Variants in RINT1 observed in about 807,000 individuals in gnomAD.
The protein encoded by RINT1 is RAD50 interactor 1, also known as RAD50-interacting protein 1.
In RINT1, 75 loss-of-function variants were observed where a neutral mutation model predicts 97.7. The observed-to-expected ratio is 0.77, with a 90% CI of 0.64 to 0.93. The LOEUF is 0.93. Ranked by LOEUF, RINT1 falls within the 40% of genes least tolerant of loss-of-function variation. The pLI is 0.00. For synonymous variants in RINT1, 303 were observed against 326.3 expected (o/e 0.93, Z 0.77); for missense variants, 892 against 925.2 (o/e 0.96, Z 0.47).
intron 3 of RINT1, among the ~76,000 whole-genome samples, chr7:105,538,053 C>T (rs903801503): frequency 1.1e-4 from 16 of 151,520 alleles, no homozygotes; most frequent in African/African-American, 2.9e-4. Context: ...AGTGCAATGG[C>T]GTGATCTCGG....
chr7:105,538,301 A>AT (rs1205761029), intron 3 of RINT1, among the ~76,000 whole-genome samples: 1 of 152,104 alleles, frequency 6.6e-6, no homozygotes, highest in East Asian at 1.9e-4. Context: ...AAGATAAAAC[A>AT]TTTTTATCAT....
At chr7:105,556,110 G>A (rs533289332) in intron 11 of RINT1, among the ~76,000 whole-genome samples, 18 of 149,428 alleles carry the variant, frequency 1.2e-4, no homozygotes, top group Non-Finnish European at 1.9e-4. Context: ...CTTGTTGCCC[G>A]GGCTGGAGTG....
At chr7:105,543,179 C>A (rs752801831) in intron 4 of RINT1, among the ~76,000 whole-genome samples, 1 of 152,170 alleles carries the variant, frequency 6.6e-6, no homozygotes, top group African/African-American at 2.4e-5. Context: ...CATGAGCTAC[C>A]GCGTCCGGCC....
chr7:105,535,777 A>G (rs1790207320), intron 2 of RINT1: 1 of 308,276 alleles, frequency 3.2e-6, no homozygotes, highest in African/African-American at 2.2e-5. Context: ...GGCTCAAGTG[A>G]TCCTCCTGCC....
Position 105,532,365 on chromosome 7 carries a change from G to T in RINT1, c.42+8G>T. ...GCCTCTCCTGCAGCCCCGGTGAGACGGCCCTGGCGTCCCTGGGAGGGGACA... is the reference window on the plus strand; with the variant it reads ...GCCTCTCCTGCAGCCCCGGTGAGACTGCCCTGGCGTCCCTGGGAGGGGACA... On this transcript the variant is annotated splice_region_variant and intron_variant, in intron 1 of 14. Transcript: ENST00000257700. 6.2e-7 allele frequency: 1 copy of T among 1,600,898 alleles called. No homozygotes were observed.
At chr7:105,540,109 T>C (rs980221257) in intron 3 of RINT1, among the ~76,000 whole-genome samples, 3 of 150,968 alleles carry the variant, frequency 2.0e-5, no homozygotes, top group Non-Finnish European at 3.0e-5. Flanking sequence ...GATGGAGTCT[T>C]CCTCTGTCGC....
chr7:105,542,701 G>C (rs752318202), intron 4 of RINT1, 52 bp downstream of exon 4: 3 of 1,571,484 alleles, frequency 1.9e-6, no homozygotes, highest in Non-Finnish European at 2.6e-6. Context: ...TGAGGCTTCT[G>C]TCTTAGAGAG....
Position 105,567,512 on chromosome 7 carries a change from A to G in RINT1, c.*201A>G. 1 of 692,908 alleles carries G rather than the reference A, an allele frequency of 1.4e-6. No individual in the cohort carries two copies. Among genetic ancestry groups the G allele is most frequent in the Non-Finnish European group, 2.6e-6 (1 of 384,452 alleles). 42.9% of individuals were successfully genotyped at this position (692,908 alleles called of 1,614,324 possible). On this transcript the variant is annotated 3_prime_UTR_variant, in exon 15 of 15. Transcript: ENST00000257700. ...GTTCCTAAGGAAACAAAAACAGAAAACGAAACAATGAAAACTCAATTCTAT... is the reference window on the plus strand; with the variant it reads ...GTTCCTAAGGAAACAAAAACAGAAAGCGAAACAATGAAAACTCAATTCTAT...
chr7:105,560,360 C>T (rs2133447900), intron 11 of RINT1, among the ~76,000 whole-genome samples: 1 of 152,242 alleles, frequency 6.6e-6, no homozygotes, highest in East Asian at 1.9e-4. Context: ...GGAAGTGTTT[C>T]CCCAAAGGAA....
intron 11 of RINT1, among the ~76,000 whole-genome samples, chr7:105,560,000 T>G (rs970781248): frequency 2.0e-5 from 3 of 152,224 alleles, no homozygotes; most frequent in South Asian, 2.1e-4. Flanking sequence ...GTGACAGATA[T>G]GAAATTCAAA....
chr7:105,534,694 C>G (rs911465526), intron 2 of RINT1, among the ~76,000 whole-genome samples: 8 of 151,938 alleles, frequency 5.3e-5, no homozygotes, highest in Middle Eastern at 3.4e-3. Flanking sequence ...TTAATATTGC[C>G]TCTCCTACCC....
At position 105,567,515 on chromosome 7, in the gene RINT1, A is replaced by C. The variant is rs1184485554; in HGVS notation, c.*204A>C. ...CCTAAGGAAACAAAAACAGAAAACGAAACAATGAAAACTCAATTCTATTTA... is the reference window on the plus strand; with the variant it reads ...CCTAAGGAAACAAAAACAGAAAACGCAACAATGAAAACTCAATTCTATTTA... On this transcript the variant is annotated 3_prime_UTR_variant, in exon 15 of 15. Transcript: ENST00000257700. 7.2e-6 allele frequency: 5 copies of C among 690,140 alleles called. No homozygotes were observed. The highest frequency in any genetic ancestry group is 6.6e-5 in the Admixed American group (3 of 45,690). The allele number at this position is 690,140 out of a possible 1,614,324, so 42.8% of individuals were successfully genotyped here. A position where few individuals can be genotyped will look rare whatever the true frequency, so the allele number is the denominator to read the frequency against.
intron 3 of RINT1, among the ~76,000 whole-genome samples, chr7:105,540,595 A>T (rs1250627455): frequency 6.6e-6 from 1 of 152,000 alleles, no homozygotes; most frequent in Non-Finnish European, 1.5e-5. Context: ...ACAGGGTTTC[A>T]CCATGTTGGC....
At chr7:105,544,687 G>A (rs1379774256) in intron 4 of RINT1, among the ~76,000 whole-genome samples, 1 of 152,064 alleles carries the variant, frequency 6.6e-6, no homozygotes, top group Non-Finnish European at 1.5e-5. Flanking sequence ...TGCCTGCCTT[G>A]GCCTCCCAAA....
chr7:105,564,693 A>G (rs1158591578), intron 12 of RINT1, among the ~76,000 whole-genome samples: 3 of 152,160 alleles, frequency 2.0e-5, no homozygotes, highest in African/African-American at 7.2e-5. Flanking sequence ...ATATTAGCTG[A>G]TGTCTTAATT....
intron 14 of RINT1, chr7:105,566,767 GTTCT>G (rs985811120): frequency 5.6e-4 from 89 of 157,864 alleles, no homozygotes; most frequent in Middle Eastern, 6.3e-3. Context: ...TTATTTTAAT[GTTCT>G]TTCTGCTGCT....
rs759874948 is a variant in RINT1 at position 105,567,156 on chromosome 7, G to A, written c.2224G>A (p.Gly742Ser). The change falls in exon 15 of 15, where the codon GGT (glycine) becomes AGT (serine). Residue 742 changes from glycine to serine, a missense_variant. Physicochemically the swap from Gly to Ser is moderately conservative, Grantham distance 56. Coordinates refer to ENST00000257700, the MANE Select transcript of RINT1 (RefSeq NM_021930.6). ...CTGTATTGTTTTGAATTTGAACGTCGGTTCTGCACTACTGCTGAAAGATGT... is the reference window on the plus strand; with the variant it reads ...CTGTATTGTTTTGAATTTGAACGTCAGTTCTGCACTACTGCTGAAAGATGT... ...EACIVLNLNV[G>S]SALLLKDVLQ... 5.0e-6 allele frequency: 8 copies of A among 1,585,888 alleles called. No individual in the cohort carries two copies. Among genetic ancestry groups the A allele is most frequent in the Middle Eastern group, 1.7e-4 (1 of 5,962 alleles).
At chr7:105,543,180 G>A (rs1280297660) in intron 4 of RINT1, among the ~76,000 whole-genome samples, 3 of 152,074 alleles carry the variant, frequency 2.0e-5, no homozygotes, top group South Asian at 2.1e-4. Context: ...ATGAGCTACC[G>A]CGTCCGGCCA....
chr7:105,534,013 G>GAATGTCATTTTGAAA (rs1790130324), intron 2 of RINT1, among the ~76,000 whole-genome samples: 1 of 151,790 alleles, frequency 6.6e-6, no homozygotes, highest in Non-Finnish European at 1.5e-5. Flanking sequence ...TCATTTTGAA[G>GAATGTCATTTTGAAA]AATGTCATTT....
Sources: allele counts gnomAD v4.1 joint callset (sites outside exome capture counted in the v4.1 genomes callset), GRCh38; gene constraint gnomAD v4.1.1; transcripts MANE v1.5; gene names NCBI Gene and HGNC (gene_info 2026-07-23, HGNC 2026-07-21).